Variants in COL15A1 observed in about 807,000 individuals in gnomAD.
The protein encoded by COL15A1 is collagen alpha-1(XV) chain.
In COL15A1, 111 loss-of-function variants were observed where a neutral mutation model predicts 165.9. The observed-to-expected ratio is 0.67, with a 90% confidence interval of 0.57 to 0.78. COL15A1 has a LOEUF of 0.78. Among genes scored for constraint, COL15A1 ranks in the 30% least tolerant of loss-of-function variants. The pLI, the probability that COL15A1 is intolerant of heterozygous loss-of-function variation, is 0.00. For synonymous variants in COL15A1, 659 were observed against 674.8 expected (o/e 0.98, Z 0.36); for missense variants, 1,745 against 1,789.7 (o/e 0.98, Z 0.45).
At chr9:99,061,540 A>C (rs951329206) in intron 36 of COL15A1, among the ~76,000 whole-genome samples, 2 of 152,252 alleles carry the variant, frequency 1.3e-5, no homozygotes, top group African/African-American at 4.8e-5. Flanking sequence ...CTTATTCCAA[A>C]TGAAAAATTT....
chr9:99,003,766 C>A (rs1215982372), intron 8 of COL15A1, among the ~76,000 whole-genome samples, 179 bp downstream of exon 8: 2 of 151,962 alleles, frequency 1.3e-5, no homozygotes, highest in African/African-American at 4.8e-5. Context: ...GTGTGCAGAG[C>A]CCTACACTGT....
In COL15A1 at chr9:99,016,077, G is replaced by A. The variant is rs547671721; in HGVS notation, c.1605G>A (p.Pro535=). The A allele has an allele frequency of 2.5e-5, 41 of 1,613,692 alleles. No individual in the cohort carries two copies. Among genetic ancestry groups the A allele is most frequent in the Admixed American group, 3.3e-5 (2 of 59,970 alleles). Residue 535 remains proline (P), a synonymous_variant, in exon 11 of 42, where the codon CCG becomes CCA. Coordinates refer to ENST00000375001, the MANE Select transcript of COL15A1 (RefSeq NM_001855.5). ...GCAGCCCTCCCCCTGATGGGCCACCGCTGCCCCTGCCCACAGTGGCTCCTG... is the reference window on the plus strand; with the variant it reads ...GCAGCCCTCCCCCTGATGGGCCACCACTGCCCCTGCCCACAGTGGCTCCTG... ...ESGSPPPDGP[P]LPLPTVAPER...
At chr9:99,069,247 ATATTGT>A (rs1371686374) in intron 41 of COL15A1, among the ~76,000 whole-genome samples, 1 of 139,500 alleles carries the variant, frequency 7.2e-6, no homozygotes, top group Admixed American at 7.3e-5. Context: ...TCTAGACAGA[ATATTGT>A]AATTGTAAGT....
chr9:98,999,078 C>T lies in COL15A1; in HGVS notation c.953-1761C>T, dbSNP rs142251450. Among the ~76,000 whole-genome samples the T allele has an allele frequency of 3.1e-3, 471 of 152,282 alleles. 1 individual carries two copies. Among genetic ancestry groups the T allele is most frequent in the African/African-American group, 0.01 (422 of 41,552 alleles). ...TCAGAGCAGGGAAGACGAGAGTGCT[C>T]GACCCGTGCTGGCCACTCTTCCATC... On this transcript the variant is annotated intron_variant, in intron 6 of 41. Coordinates refer to ENST00000375001, the MANE Select transcript of COL15A1 (RefSeq NM_001855.5).
chr9:99,055,612 T>C (rs1825710369), intron 34 of COL15A1, among the ~76,000 whole-genome samples: 1 of 152,244 alleles, frequency 6.6e-6, no homozygotes, highest in Non-Finnish European at 1.5e-5. Flanking sequence ...TTAGTCACAC[T>C]GCCTTATTCA....
chr9:98,952,984 C>A (rs571004510), intron 2 of COL15A1, among the ~76,000 whole-genome samples: 12 of 152,310 alleles, frequency 7.9e-5, no homozygotes, highest in African/African-American at 2.9e-4. Flanking sequence ...TGCCTACCTC[C>A]TTCATTAAGC....
At chr9:99,008,271 A>G (rs1298375895) in intron 9 of COL15A1, among the ~76,000 whole-genome samples, 4 of 152,162 alleles carry the variant, frequency 2.6e-5, no homozygotes. Context: ...GGGCTCCTGG[A>G]CCTGTCAGAA....
chr9:98,975,816 G>C (rs929913209), intron 2 of COL15A1, among the ~76,000 whole-genome samples: 29 of 152,230 alleles, frequency 1.9e-4, no homozygotes, highest in African/African-American at 7.0e-4. Context: ...GTTTAGAGGA[G>C]GGGGGATGAC....
At chr9:99,016,169 GAGAA>G in intron 11 of COL15A1, 50 bp downstream of exon 11, 3 of 1,530,220 alleles carry the variant, frequency 2.0e-6, no homozygotes, top group Non-Finnish European at 2.6e-6. Flanking sequence ...TTACAGGGGA[GAGAA>G]AGAAAGGCCA....
intron 30 of COL15A1, 151 bp from the exon 31 acceptor site, chr9:99,052,237 C>A: frequency 1.5e-6 from 1 of 673,202 alleles, no homozygotes; most frequent in Non-Finnish European, 2.7e-6. Context: ...CTCCTGGGGA[C>A]TCAGGGCTTT....
At chr9:98,974,597 G>A (rs909524457) in intron 2 of COL15A1, among the ~76,000 whole-genome samples, 6 of 152,220 alleles carry the variant, frequency 3.9e-5, no homozygotes, top group African/African-American at 1.4e-4. Flanking sequence ...TCTCCCCAGG[G>A]ACTGAGTGCC....
intron 11 of COL15A1, among the ~76,000 whole-genome samples, chr9:99,018,442 A>C (rs1838972304): frequency 1.3e-5 from 2 of 152,188 alleles, no homozygotes; most frequent in African/African-American, 4.8e-5. Flanking sequence ...CTCTTTGTCC[A>C]CATATATTAA....
Position 99,035,031 on chromosome 9 carries a change from AG to A in COL15A1, c.2099del (p.Gly700AlafsTer52). 6.2e-7 allele frequency: 1 copy of A among 1,613,280 alleles called. No homozygotes were observed. The highest frequency in any genetic ancestry group is 8.5e-7 in the Non-Finnish European group (1 of 1,179,430). Reference protein sequence around the residue: ...VGEKGDPGNRGLPGPPGKKGQ... With the variant: ...VGEKGDPGNRXLPGPPGKKGQ... ...TCCTACAGGGTGACCCTGGCAACAG[AG>A]GCTTACCTGGACCCCCGGGGAAAAA... On this transcript the variant is annotated frameshift_variant, in exon 18 of 42. Transcript: ENST00000375001. LOFTEE classifies it high-confidence loss of function.
chr9:99,021,937 C>A (rs940431388), intron 12 of COL15A1, among the ~76,000 whole-genome samples, 154 bp from the exon 13 acceptor site: 2 of 152,230 alleles, frequency 1.3e-5, no homozygotes, highest in African/African-American at 4.8e-5. Flanking sequence ...TGGGGTGGGA[C>A]AAGGCATTCC....
intron 16 of COL15A1, among the ~76,000 whole-genome samples, chr9:99,032,941 C>T (rs185962905): frequency 4.6e-5 from 7 of 152,256 alleles, no homozygotes; most frequent in Admixed American, 4.6e-4. Flanking sequence ...CTATGTTATC[C>T]TACCTTTTCT....
At chr9:99,068,447 T>C (rs1211147596) in intron 40 of COL15A1, 108 bp from the exon 41 acceptor site, 15 of 465,308 alleles carry the variant, frequency 3.2e-5, no homozygotes, top group Non-Finnish European at 7.0e-6. Context: ...CCTGGCTGGA[T>C]GACAAAAGCG....
rs779885966 is a variant in COL15A1 at position 99,055,281 on chromosome 9, G to A, written c.3101G>A (p.Gly1034Glu). ...TTCCAGGGGGAGAATGGAGACAAGG[G>A]GTTCAAAGGTGAAAAAGGAGAAAAA... ...NNLKGENGDK[G>E]FKGEKGEKGD... Residue 1034 changes from glycine (G) to glutamate (E), a missense_variant, in exon 34 of 42, where the codon GGG (glycine) becomes GAG (glutamate). Gly to Glu is a moderately conservative substitution (Grantham distance 98, BLOSUM62 -2). Coordinates refer to ENST00000375001, the MANE Select transcript of COL15A1 (RefSeq NM_001855.5). The A allele has an allele frequency of 6.2e-7, 1 of 1,613,072 alleles. No homozygotes were observed. The highest frequency in any genetic ancestry group is 8.5e-7 in the Non-Finnish European group (1 of 1,179,030).
intron 17 of COL15A1, 79 bp from the exon 18 acceptor site, chr9:99,034,935 T>G (rs1461026562): frequency 5.6e-6 from 7 of 1,245,046 alleles, no homozygotes; most frequent in African/African-American, 4.4e-5. Context: ...AAGGAGTGAT[T>G]TTCTGATTCA....
At chr9:99,057,991 A>G (rs1363018293) in intron 35 of COL15A1, among the ~76,000 whole-genome samples, 3 of 152,138 alleles carry the variant, frequency 2.0e-5, no homozygotes, top group African/African-American at 7.2e-5. Context: ...TGAACAGTCA[A>G]CTTGTGGGAG....
Sources: allele counts gnomAD v4.1 joint callset (sites outside exome capture counted in the v4.1 genomes callset), GRCh38; gene constraint gnomAD v4.1.1; transcripts MANE v1.5; gene names NCBI Gene and HGNC (gene_info 2026-07-23, HGNC 2026-07-21).